The following ACSS3 variants were observed in gnomAD, a reference collection of about 807,000 sequenced individuals.
ACSS3 encodes the protein acyl-CoA synthetase short-chain family member 3, mitochondrial.
In ACSS3, 64 loss-of-function variants were observed where a neutral mutation model predicts 84.2. The ratio of observed to expected loss-of-function variants is 0.76; its 90% confidence interval spans 0.62 to 0.94. The LOEUF is 0.94. Ranked by LOEUF, ACSS3 falls within the 40% of genes least tolerant of loss-of-function variation. The pLI is 0.00. For synonymous variants in ACSS3, 317 were observed against 310.1 expected (o/e 1.02, Z -0.23); for missense variants, 815 against 867.6 (o/e 0.94, Z 0.76).
intron 9 of ACSS3, among the ~76,000 whole-genome samples, chr12:81,204,117 G>T (rs560426243): frequency 1.3e-5 from 2 of 152,024 alleles, no homozygotes; most frequent in African/African-American, 2.4e-5. Flanking sequence ...GCAGTGCATG[G>T]TGGCCTTCGT....
chr12:81,089,766 C>T (rs1881554488), intron 1 of ACSS3, among the ~76,000 whole-genome samples: 2 of 151,926 alleles, frequency 1.3e-5, no homozygotes. Context: ...TGTTTTGGTA[C>T]TAATTATGAA....
Position 81,152,101 on chromosome 12 carries a change from T to C in ACSS3, c.1098+5T>C. 2 of 1,600,880 alleles carry C rather than the reference T, an allele frequency of 1.2e-6. No individual in the cohort carries two copies. The highest frequency in any genetic ancestry group is 1.7e-6 in the Non-Finnish European group (2 of 1,170,124). ...AACACAACAGTTTTATATGAGGTAATAAAGTAAAGTTAATACCACATATAA... is the reference window on the plus strand; with the variant it reads ...AACACAACAGTTTTATATGAGGTAACAAAGTAAAGTTAATACCACATATAA... On this transcript the variant is annotated splice_donor_5th_base_variant and intron_variant, in intron 7 of 15. Coordinates refer to ENST00000548058, the MANE Select transcript of ACSS3 (RefSeq NM_024560.4).
chr12:81,115,602 A>G (rs1002413158), intron 2 of ACSS3, among the ~76,000 whole-genome samples: 9 of 151,902 alleles, frequency 5.9e-5, no homozygotes, highest in Non-Finnish European at 1.2e-4. Flanking sequence ...CACCTGACCA[A>G]ATGCTGATGC....
At chr12:81,200,236 A>G (rs2032038552) in intron 9 of ACSS3, among the ~76,000 whole-genome samples, 1 of 152,174 alleles carries the variant, frequency 6.6e-6, no homozygotes, top group Admixed American at 6.6e-5. Context: ...ACCTCCTCAC[A>G]AAGTACAGAG....
chr12:81,254,221 C>T (rs770980211), intron 15 of ACSS3, among the ~76,000 whole-genome samples: 31 of 152,262 alleles, frequency 2.0e-4, no homozygotes, highest in Non-Finnish European at 1.0e-4. Context: ...TGAGCCACTG[C>T]TGCCTGCCAA....
intron 1 of ACSS3, among the ~76,000 whole-genome samples, chr12:81,102,451 A>G (rs1308698261): frequency 6.6e-6 from 1 of 152,186 alleles, no homozygotes. Flanking sequence ...TGCAGGAAGC[A>G]TAAGTGGGGG....
intron 7 of ACSS3, among the ~76,000 whole-genome samples, chr12:81,153,762 G>T (rs926118570): frequency 6.6e-6 from 1 of 152,140 alleles, no homozygotes; most frequent in Non-Finnish European, 1.5e-5. Flanking sequence ...GCAAGTCAAT[G>T]AATTTGAAAA....
At chr12:81,253,772 T>C (rs1034565449) in intron 15 of ACSS3, 102 bp downstream of exon 15, 5 of 1,204,476 alleles carry the variant, frequency 4.2e-6, no homozygotes, top group Non-Finnish European at 3.5e-6. Flanking sequence ...GTGAATTGCA[T>C]CTCTAGAAAA....
intron 9 of ACSS3, among the ~76,000 whole-genome samples, chr12:81,201,014 A>C (rs1046781597): frequency 1.3e-5 from 2 of 152,216 alleles, no homozygotes; most frequent in Admixed American, 6.5e-5. Context: ...GATGAAAATC[A>C]GAAAGAAGCT....
At chr12:81,145,067 A>ATTTTTTTTTTTTTTT (rs35753293) in intron 5 of ACSS3, among the ~76,000 whole-genome samples, 6 of 100,912 alleles carry the variant, frequency 5.9e-5, no homozygotes, top group African/African-American at 7.9e-5. Context: ...CGCCTGGCTA[A>ATTTTTTTTTTTTTTT]TTTTTTTTTT....
chr12:81,112,796 T>C (rs1883716729), intron 2 of ACSS3, among the ~76,000 whole-genome samples: 1 of 152,194 alleles, frequency 6.6e-6, no homozygotes, highest in Non-Finnish European at 1.5e-5. Flanking sequence ...CTCTCCCATG[T>C]TTCATTTCTA....
In ACSS3 at chr12:81,174,516, G is replaced by T. The variant is rs200122340; in HGVS notation, c.1099-272G>T. The T allele has an allele frequency of 2.7e-4, 78 of 284,558 alleles. 1 individual carries two copies. In the East Asian group the frequency reaches 3.6e-3, roughly 13 times the overall value. The allele number at this position is 284,558 out of a possible 1,614,324, so 17.6% of individuals were successfully genotyped here. A position where few individuals can be genotyped will look rare whatever the true frequency, so the allele number is the denominator to read the frequency against. On this transcript the variant is annotated intron_variant, in intron 7 of 15. Coordinates refer to ENST00000548058, the MANE Select transcript of ACSS3 (RefSeq NM_024560.4). ...GTTTTATATTCTTAATTTGAATGTG[G>T]TATGTATTTTTAATTCTTTATTTTT...
At chr12:81,230,372 C>A (rs1297667663) in intron 11 of ACSS3, among the ~76,000 whole-genome samples, 1 of 151,778 alleles carries the variant, frequency 6.6e-6, no homozygotes, top group Non-Finnish European at 1.5e-5. Context: ...AGGTTAAGCC[C>A]TTGCCATGCA....
chr12:81,170,194 G>A (rs2029930219), intron 7 of ACSS3, among the ~76,000 whole-genome samples: 1 of 152,094 alleles, frequency 6.6e-6, no homozygotes, highest in African/African-American at 2.4e-5. Context: ...CTAAGTGGTT[G>A]TATTTCACTG....
intron 1 of ACSS3, among the ~76,000 whole-genome samples, chr12:81,108,283 A>ATTG (rs1246190087): frequency 6.7e-6 from 1 of 148,912 alleles, no homozygotes; most frequent in East Asian, 2.0e-4. Context: ...TATTATTATT[A>ATTG]TTATTGTTAT....
intron 11 of ACSS3, among the ~76,000 whole-genome samples, chr12:81,226,420 A>G (rs778519704): frequency 6.6e-6 from 1 of 151,676 alleles, no homozygotes; most frequent in Admixed American, 6.6e-5. Context: ...CATCTCACCA[A>G]TTTCTAAGAT....
At position 81,256,070 on chromosome 12, in the gene ACSS3, G is replaced by A. The variant is rs544382916; in HGVS notation, c.*1148G>A. 1 of 152,330 alleles carries A rather than the reference G, an allele frequency of 6.6e-6. No individual in the cohort carries two copies. Among genetic ancestry groups the A allele is most frequent in the East Asian group, 1.9e-4 (1 of 5,170 alleles). 9.4% of individuals were successfully genotyped at this position (152,330 alleles called of 1,614,324 possible). ...AAGGTTTCTAGGCAGGTAGTGTAATGTCTAGGTGATTTTGAAGTGAACTTA... is the reference window on the plus strand; with the variant it reads ...AAGGTTTCTAGGCAGGTAGTGTAATATCTAGGTGATTTTGAAGTGAACTTA... On this transcript the variant is annotated 3_prime_UTR_variant, in exon 16 of 16. Coordinates refer to ENST00000548058, the MANE Select transcript of ACSS3 (RefSeq NM_024560.4).
Position 81,254,950 on chromosome 12 carries a change from T to C in ACSS3, c.*28T>C. On this transcript the variant is annotated 3_prime_UTR_variant, in exon 16 of 16. Coordinates refer to ENST00000548058, the MANE Select transcript of ACSS3 (RefSeq NM_024560.4). ...AGTTTGTCTTATTCCTATTTTGAGT[T>C]GATTTAATTTCTTAATTGAAATTAA... is the stretch of plus-strand genomic sequence containing the variant. The C allele has an allele frequency of 6.7e-7, 1 of 1,502,642 alleles. No homozygotes were observed. The highest frequency in any genetic ancestry group is 9.0e-7 in the Non-Finnish European group (1 of 1,109,552). The allele number at this position is 1,502,642 out of a possible 1,614,324, so 93.1% of individuals were successfully genotyped here.
intron 1 of ACSS3, chr12:81,094,337 A>C (rs1314087984): frequency 6.6e-6 from 1 of 152,216 alleles, no homozygotes; most frequent in African/African-American, 2.4e-5. Context: ...TTTGAAGAAT[A>C]AAGATAATAA....
Sources: allele counts gnomAD v4.1 joint callset (sites outside exome capture counted in the v4.1 genomes callset), GRCh38; gene constraint gnomAD v4.1.1; transcripts MANE v1.5; gene names NCBI Gene and HGNC (gene_info 2026-07-23, HGNC 2026-07-21).